Variants in RORA observed in about 807,000 individuals in gnomAD.
The protein encoded by RORA is RAR related orphan receptor A, also known as nuclear receptor ROR-alpha.
A neutral mutation model predicts 69.5 loss-of-function variants in RORA; 7 were observed. That is an observed-to-expected ratio of 0.10 (90% CI 0.06 to 0.19). The LOEUF is 0.19. Among genes scored for constraint, RORA ranks in the 10% least tolerant of loss-of-function variants. The pLI, the probability that RORA is intolerant of heterozygous loss-of-function variation, is 1.00. For synonymous variants in RORA, 261 were observed against 240.8 expected (o/e 1.08, Z -0.78); for missense variants, 457 against 663.0 (o/e 0.69, Z 3.41).
rs536449645 is a variant in RORA, at chr15:60,641,136, G to C, written c.196+37521C>G. Among the ~76,000 whole-genome samples, 8 of 152,194 alleles carry C rather than the reference G, an allele frequency of 5.3e-5. No homozygotes were observed. The South Asian group carries it at 1.7e-3, about 32-fold the overall frequency. ...CCAGCTAATTTTTTGTATTTTTGTA[G>C]AGATGGGGTCTCGCCACATTGCCCA... On this transcript the variant is annotated intron_variant, in intron 2 of 10. Coordinates refer to ENST00000335670, the MANE Select transcript of RORA (RefSeq NM_134261.3).
intron 1 of RORA, among the ~76,000 whole-genome samples, chr15:60,785,874 T>C (rs2072327635): frequency 6.6e-6 from 1 of 152,262 alleles, no homozygotes; most frequent in African/African-American, 2.4e-5. Flanking sequence ...GGTGGCAATC[T>C]GACAAGCTCT....
chr15:60,672,996 C>G (rs1244335084), intron 2 of RORA, among the ~76,000 whole-genome samples: 1 of 152,178 alleles, frequency 6.6e-6, no homozygotes, highest in East Asian at 1.9e-4. Flanking sequence ...ATAAGTCTAT[C>G]AAGTCCACAC....
At chr15:60,620,923 GCCCAGGGCTGC>G (rs2069387187) in intron 2 of RORA, among the ~76,000 whole-genome samples, 1 of 152,240 alleles carries the variant, frequency 6.6e-6, no homozygotes, top group Non-Finnish European at 1.5e-5. Context: ...ATGATGGAAA[GCCCAGGGCTGC>G]CAAGTGCTGC....
At chr15:60,864,656 T>C (rs2073467098) in intron 1 of RORA, among the ~76,000 whole-genome samples, 1 of 152,200 alleles carries the variant, frequency 6.6e-6, no homozygotes, top group Non-Finnish European at 1.5e-5. Flanking sequence ...AATGGGTAAG[T>C]AACTCAGGAA....
At chr15:60,614,069 G>A (rs936590552) in intron 2 of RORA, among the ~76,000 whole-genome samples, 4 of 151,934 alleles carry the variant, frequency 2.6e-5, no homozygotes, top group African/African-American at 9.7e-5. Context: ...GTAAAAAAAT[G>A]GTCATTTTTT....
intron 2 of RORA, among the ~76,000 whole-genome samples, chr15:60,658,912 C>T (rs894615189): frequency 6.6e-6 from 1 of 152,166 alleles, no homozygotes; most frequent in Admixed American, 6.5e-5. Flanking sequence ...GGCTGATGGT[C>T]CTTGTGGAAT....
At position 60,804,150 on chromosome 15, in the gene RORA, T is replaced by C. The variant is rs2140360378; in HGVS notation, c.167-125464A>G. On this transcript the variant is annotated intron_variant, in intron 1 of 10. Coordinates refer to ENST00000335670, the MANE Select transcript of RORA (RefSeq NM_134261.3). ...CTAAAAATACAAAATTAGCCAGGCGTGGTGGTGGGTGCCTCTAATCCCAGC... is the reference window on the plus strand; with the variant it reads ...CTAAAAATACAAAATTAGCCAGGCGCGGTGGTGGGTGCCTCTAATCCCAGC... 2.0e-5 allele frequency among the ~76,000 whole-genome samples: 3 copies of C among 151,600 alleles called. 1 individual carries two copies. The highest frequency in any genetic ancestry group is 7.3e-5 in the African/African-American group (3 of 41,332).
At chr15:60,961,669 C>A (rs1250616566) in intron 1 of RORA, among the ~76,000 whole-genome samples, 3 of 152,196 alleles carry the variant, frequency 2.0e-5, no homozygotes, top group Non-Finnish European at 2.9e-5. Flanking sequence ...GGGAAAGAAG[C>A]CATTATGGCT....
intron 1 of RORA, among the ~76,000 whole-genome samples, chr15:60,707,610 G>A (rs1390226351): frequency 2.6e-5 from 4 of 152,134 alleles, no homozygotes; most frequent in East Asian, 1.9e-4. Flanking sequence ...TGATCTGTCC[G>A]CCTCGGCCTC....
At chr15:60,716,980 AC>A (rs2071229253) in intron 1 of RORA, among the ~76,000 whole-genome samples, 2 of 152,124 alleles carry the variant, frequency 1.3e-5, no homozygotes, top group South Asian at 4.1e-4. Context: ...AATTAATTGA[AC>A]CCAAAGAGAG....
rs1555396165 is a variant in RORA at position 60,941,904 on chromosome 15, G to GC, written c.167-263219_167-263218insG. Among the ~76,000 whole-genome samples the GC allele has an allele frequency of 2.6e-5, 4 of 152,092 alleles. 1 individual carries two copies. Among genetic ancestry groups the GC allele is most frequent in the Non-Finnish European group, 1.5e-5 (1 of 67,994 alleles). On this transcript the variant is annotated intron_variant, in intron 1 of 10. Transcript: ENST00000335670. ...GCACTGCTGTTGTTACCAAGAAATA[G>GC]TTTTTAAAAGCAGACATTTTAGGAA...
At chr15:61,020,188 T>C (rs891652587) in intron 1 of RORA, among the ~76,000 whole-genome samples, 1 of 152,198 alleles carries the variant, frequency 6.6e-6, no homozygotes, top group Non-Finnish European at 1.5e-5. Flanking sequence ...TATATGTCTT[T>C]CTGTTCCCTT....
At chr15:61,121,009 G>A (rs139699289) in intron 1 of RORA, among the ~76,000 whole-genome samples, 184 of 151,668 alleles carry the variant, frequency 1.2e-3, no homozygotes, top group African/African-American at 4.1e-3. Flanking sequence ...CACCACACCC[G>A]GCTAATTTTT....
chr15:61,122,622 A>G (rs1169040466), intron 1 of RORA, among the ~76,000 whole-genome samples: 1 of 152,166 alleles, frequency 6.6e-6, no homozygotes, highest in African/African-American at 2.4e-5. Flanking sequence ...TTCAGATGAA[A>G]AAATTGAGGC....
At chr15:60,903,992 T>G (rs1214887340) in intron 1 of RORA, among the ~76,000 whole-genome samples, 1 of 152,194 alleles carries the variant, frequency 6.6e-6, no homozygotes, top group African/African-American at 2.4e-5. Flanking sequence ...AATCCTCAGG[T>G]TGCTATGATT....
chr15:60,955,567 A>T (rs375109435), intron 1 of RORA, among the ~76,000 whole-genome samples: 1 of 152,386 alleles, frequency 6.6e-6, no homozygotes, highest in East Asian at 1.9e-4. Flanking sequence ...AATATTTTTC[A>T]AAAGATGCTA....
intron 1 of RORA, among the ~76,000 whole-genome samples, chr15:60,895,187 A>G (rs1386535874): frequency 6.6e-6 from 1 of 152,240 alleles, no homozygotes; most frequent in East Asian, 1.9e-4. Flanking sequence ...AATGAAATCC[A>G]GGTCCTTGAT....
intron 1 of RORA, among the ~76,000 whole-genome samples, chr15:60,785,856 A>G (rs1595713442): frequency 6.6e-6 from 1 of 152,176 alleles, no homozygotes; most frequent in Admixed American, 6.5e-5. Context: ...GTTGTTTTAC[A>G]TTGATTTGGT....
At chr15:60,691,330 T>C (rs1369412787) in intron 1 of RORA, among the ~76,000 whole-genome samples, 1 of 152,228 alleles carries the variant, frequency 6.6e-6, no homozygotes, top group African/African-American at 2.4e-5. Context: ...TACAGTTGTA[T>C]GTCTTCCCAA....
Sources: allele counts gnomAD v4.1 joint callset (sites outside exome capture counted in the v4.1 genomes callset), GRCh38; gene constraint gnomAD v4.1.1; transcripts MANE v1.5; gene names NCBI Gene and HGNC (gene_info 2026-07-23, HGNC 2026-07-21).